GRAMD1B: variants seen among roughly 807,000 people sequenced by gnomAD.
The protein encoded by GRAMD1B is GRAM domain containing 1B, also known as protein Aster-B.
Under a neutral mutation model 99.7 loss-of-function variants are expected in GRAMD1B, and 37 were observed. That is an observed-to-expected ratio of 0.37 (90% CI 0.29 to 0.49). The LOEUF (loss-of-function observed/expected upper bound fraction) is 0.49. Among genes scored for constraint, GRAMD1B ranks in the 20% least tolerant of loss-of-function variants. The pLI is 0.98. For synonymous variants in GRAMD1B, 427 were observed against 387.6 expected (o/e 1.10, Z -1.19); for missense variants, 888 against 1,009.2 (o/e 0.88, Z 1.63).
In GRAMD1B at chr11:123,610,832, C is replaced by G. The variant is rs1953440542; in HGVS notation, c.1919+494C>G. Among the ~76,000 whole-genome samples, 2 of 152,194 alleles carry G rather than the reference C, an allele frequency of 1.3e-5. No homozygotes were observed. The highest frequency in any genetic ancestry group is 4.1e-4 in the South Asian group (2 of 4,834). ...GCTCCACGAGGACAGGAATTCCATT[C>G]CACTTACACTTTATTCCCAGCACCC... On this transcript the variant is annotated intron_variant, in intron 14 of 19. Coordinates refer to ENST00000635736, the MANE Select transcript of GRAMD1B (RefSeq NM_001387025.1). This position sits in a 1 kb window ranked among gnomAD's most constrained non-coding sequence, Gnocchi z 4.1.
At chr11:123,567,305 T>C (rs965106387) in intron 2 of GRAMD1B, among the ~76,000 whole-genome samples, 2 of 152,180 alleles carry the variant, frequency 1.3e-5, no homozygotes, top group African/African-American at 4.8e-5. Flanking sequence ...TAAATCCTTC[T>C]CTTAGGGGAT....
At chr11:123,368,594 C>T (rs1946406510) in intron 1 of GRAMD1B, among the ~76,000 whole-genome samples, 1 of 138,008 alleles carries the variant, frequency 7.2e-6, no homozygotes, top group African/African-American at 2.7e-5. Flanking sequence ...GCACGAGAAT[C>T]GTTTGAACCA....
At chr11:123,532,676 A>G (rs1030774283) in intron 2 of GRAMD1B, among the ~76,000 whole-genome samples, 1 of 152,254 alleles carries the variant, frequency 6.6e-6, no homozygotes, top group Non-Finnish European at 1.5e-5. Context: ...GCCAGATTTT[A>G]TACAGTTCTT....
At chr11:123,421,312 C>A (rs375603281) in intron 1 of GRAMD1B, among the ~76,000 whole-genome samples, 3 of 152,190 alleles carry the variant, frequency 2.0e-5, no homozygotes, top group African/African-American at 7.2e-5. Flanking sequence ...GAATTAGATG[C>A]GCACAGAATG....
At chr11:123,524,348 A>AT (rs879318328) in intron 2 of GRAMD1B, among the ~76,000 whole-genome samples, 1 of 150,094 alleles carries the variant, frequency 6.7e-6, no homozygotes, top group Admixed American at 6.6e-5. Flanking sequence ...ATTTTATTTT[A>AT]TTTTTTGTTT....
intron 2 of GRAMD1B, among the ~76,000 whole-genome samples, chr11:123,527,351 C>T (rs1370413972): frequency 6.6e-6 from 1 of 152,220 alleles, no homozygotes; most frequent in Admixed American, 6.5e-5. Context: ...TCCAGCCCTC[C>T]TCCTGTAGGG....
chr11:123,520,458 T>A (rs1019938170), intron 2 of GRAMD1B, among the ~76,000 whole-genome samples: 2 of 152,128 alleles, frequency 1.3e-5, no homozygotes, highest in African/African-American at 4.8e-5. Flanking sequence ...ATTGTTTGCA[T>A]TGAATAGTTA....
intron 2 of GRAMD1B, among the ~76,000 whole-genome samples, chr11:123,527,052 A>G (rs915104618): frequency 1.3e-5 from 2 of 152,118 alleles, no homozygotes; most frequent in East Asian, 1.9e-4. Flanking sequence ...CAGAGGAGAA[A>G]GGCTCCTTGG....
Position 123,584,325 on chromosome 11 carries a change from G to A in GRAMD1B, c.677G>A (p.Trp226Ter). ...GGKNSKKSQS[W>*]YNVLSPTYKQ... is the part of the protein sequence containing the mutation. The stretch of plus-strand genomic sequence containing the variant: ...TTCTCTTTTCAGAAAAGCCAGAGTT[G>A]GTATAATGTAAGTATTCCTGTTTCC... The change falls in exon 4 of 20, where the codon TGG becomes TAG. Residue 226 changes from tryptophan to a stop codon, truncating the protein, a stop_gained. Transcript: ENST00000635736. LOFTEE classifies it high-confidence loss of function. The A allele has an allele frequency of 1.0e-6, 1 of 958,224 alleles. No homozygotes were observed. The allele number at this position is 958,224 out of a possible 1,614,324, so 59.4% of individuals were successfully genotyped here. A position where few individuals can be genotyped will look rare whatever the true frequency, so the allele number is the denominator to read the frequency against.
At chr11:123,508,545 C>T (rs146216036) in intron 2 of GRAMD1B, among the ~76,000 whole-genome samples, 68 of 152,246 alleles carry the variant, frequency 4.5e-4, no homozygotes, top group African/African-American at 1.6e-3. Flanking sequence ...GTAGTTAAGC[C>T]AGACCCGTGA....
At chr11:123,537,438 C>G (rs928728150) in intron 2 of GRAMD1B, among the ~76,000 whole-genome samples, 1 of 152,182 alleles carries the variant, frequency 6.6e-6, no homozygotes, top group African/African-American at 2.4e-5. Context: ...CCTTTGTTTT[C>G]TAGAGGCTTA....
chr11:123,441,103 G>A (rs1949386577), intron 1 of GRAMD1B, among the ~76,000 whole-genome samples: 1 of 152,138 alleles, frequency 6.6e-6, no homozygotes, highest in Non-Finnish European at 1.5e-5. Flanking sequence ...CCCAGTCTCA[G>A]GTATGTCTTT....
intron 2 of GRAMD1B, among the ~76,000 whole-genome samples, chr11:123,544,462 C>A (rs1391015756): frequency 5.3e-5 from 8 of 152,202 alleles, no homozygotes; most frequent in Non-Finnish European, 1.5e-5. Context: ...TGTCGGTTAG[C>A]CTTTGCTCTT....
chr11:123,598,336 C>T lies in GRAMD1B; in HGVS notation c.970-2132C>T. 2.5e-6 allele frequency: 3 copies of T among 1,190,162 alleles called. No homozygotes were observed. In the South Asian group the frequency reaches 3.6e-5, roughly 14 times the overall value. 73.7% of individuals were successfully genotyped at this position (1,190,162 alleles called of 1,614,324 possible). A position where few individuals can be genotyped will look rare whatever the true frequency, so the allele number is the denominator to read the frequency against. On this transcript the variant is annotated intron_variant, in intron 7 of 19. Transcript: ENST00000635736. ...TTGGGGTTGTAAATGATCTCGTTCT[C>T]TTCATCTTCACTCTAACTCTCACTG... is the stretch of plus-strand genomic sequence containing the variant.
intron 1 of GRAMD1B, among the ~76,000 whole-genome samples, chr11:123,384,323 A>T (rs1255987440): frequency 6.6e-6 from 1 of 152,234 alleles, no homozygotes; most frequent in Non-Finnish European, 1.5e-5. Flanking sequence ...TGCCAAATCC[A>T]GTGGCCTATT....
intron 2 of GRAMD1B, among the ~76,000 whole-genome samples, chr11:123,515,853 C>T (rs1180865233): frequency 9.9e-5 from 15 of 151,986 alleles, no homozygotes; most frequent in Admixed American, 6.5e-4. Context: ...TTGCAACTTC[C>T]GCCTCCGGGG....
At chr11:123,612,385 T>G (rs1953713570) in intron 14 of GRAMD1B, among the ~76,000 whole-genome samples, 1 of 152,200 alleles carries the variant, frequency 6.6e-6, no homozygotes, top group Non-Finnish European at 1.5e-5. Context: ...TTACTTTCTT[T>G]CAGTGTCAGT....
At chr11:123,618,068 C>T (rs1054082604) in intron 17 of GRAMD1B, among the ~76,000 whole-genome samples, 4 of 152,190 alleles carry the variant, frequency 2.6e-5, no homozygotes, top group Non-Finnish European at 1.5e-5. Context: ...GGAATTCCTC[C>T]TTCAGTCTCA....
chr11:123,430,417 T>C lies in GRAMD1B; in HGVS notation c.-376T>C, dbSNP rs1948817038. The C allele has an allele frequency of 4.2e-6, 1 of 236,032 alleles. No homozygotes were observed. The highest frequency in any genetic ancestry group is 2.3e-5 in the African/African-American group (1 of 43,670). The allele number at this position is 236,032 out of a possible 1,614,324, so 14.6% of individuals were successfully genotyped here. On this transcript the variant is annotated 5_prime_UTR_variant, in exon 1 of 20. Coordinates refer to ENST00000635736, the MANE Select transcript of GRAMD1B (RefSeq NM_001387025.1). ...TTGCTGCACCGCCCCCTGGGGCCCC[T>C]GGCTGCCGAGTCCCGCTAAGGCAAA...
Sources: allele counts gnomAD v4.1 joint callset (sites outside exome capture counted in the v4.1 genomes callset), GRCh38; gene constraint gnomAD v4.1.1; non-coding constraint Gnocchi (gnomAD v3.1); transcripts MANE v1.5; gene names NCBI Gene and HGNC (gene_info 2026-07-23, HGNC 2026-07-21).